SACS: variants seen among roughly 807,000 people sequenced by gnomAD.
SACS encodes sacsin molecular chaperone.
A neutral mutation model predicts 348.0 loss-of-function variants in SACS; 197 were observed. That is an observed-to-expected ratio of 0.57 (90% CI 0.50 to 0.64). The LOEUF (loss-of-function observed/expected upper bound fraction) is 0.64. Ranked by LOEUF, SACS falls within the 30% of genes least tolerant of loss-of-function variation. SACS has a pLI of 0.00. For synonymous variants in SACS, 1,985 were observed against 1,910.6 expected, an observed-to-expected ratio of 1.04 and a Z score of -1.02; for missense variants, 4,999 against 5,360.8, an observed-to-expected ratio of 0.93 and a Z score of 2.11.
At position 23,368,417 on chromosome 13, in the gene SACS, T is replaced by A. The variant is rs762050333; in HGVS notation, c.330A>T (p.Gly110=). ...TGTGCCCCACCTTAAGAATCTGTCC[T>A]CCTTCTGGATATCTTCTCAAAATGT... is the stretch of plus-strand genomic sequence containing the variant. ...LKDILRRYPE[G]GQILKELIQN... is the part of the protein sequence containing the mutation. The change falls in exon 5 of 10, where the codon GGA becomes GGT. Residue 110 remains glycine, a synonymous_variant. Transcript: ENST00000382292. 19 of 1,611,568 alleles carry A rather than the reference T, an allele frequency of 1.2e-5. No individual in the cohort carries two copies. Among genetic ancestry groups the A allele is most frequent in the Admixed American group, 8.4e-5 (5 of 59,832 alleles).
intron 2 of SACS, among the ~76,000 whole-genome samples, chr13:23,391,842 A>C (rs1196594915): frequency 7.0e-6 from 1 of 143,334 alleles, no homozygotes; most frequent in African/African-American, 2.5e-5. Flanking sequence ...TTGGCAGGAA[A>C]GTACTGCAAA....
At chr13:23,380,122 C>CGTGTGT (rs34243922) in intron 2 of SACS, among the ~76,000 whole-genome samples, 7,405 of 116,238 alleles carry the variant, frequency 0.064, 230 homozygotes, top group East Asian at 0.19. Context: ...GGGATTCCCT[C>CGTGTGT]GTGTGTGTGT....
At chr13:23,419,854 AAT>A (rs1446535287) in intron 1 of SACS, among the ~76,000 whole-genome samples, 4 of 152,194 alleles carry the variant, frequency 2.6e-5, no homozygotes, top group Non-Finnish European at 4.4e-5. Context: ...TTGGCCAGAG[AAT>A]ATGTGACCAT....
In SACS at chr13:23,330,379, A is replaced by G. The variant is rs892367410; in HGVS notation, c.13497T>C (p.Asp4499=). 6.2e-7 allele frequency: 1 copy of G among 1,614,192 alleles called. No individual in the cohort carries two copies. The highest frequency in any genetic ancestry group is 1.3e-5 in the African/African-American group (1 of 75,050). Residue 4499 remains aspartate, a synonymous_variant, in exon 10 of 10, where the codon GAT becomes GAC. Coordinates refer to ENST00000382292, the MANE Select transcript of SACS (RefSeq NM_014363.6). ...DYAVRGKSDK[D]VKPTALAQKI... ...TCTGAGCAAGTGCAGTTGGTTTTAC[A>G]TCTTTATCAGACTTTCCCCTCACAG...
At chr13:23,409,624 C>G (rs1183859940) in intron 2 of SACS, among the ~76,000 whole-genome samples, 1 of 152,004 alleles carries the variant, frequency 6.6e-6, no homozygotes, top group Non-Finnish European at 1.5e-5. Context: ...GCCACCGCAC[C>G]TGGCTGGTTT....
intron 2 of SACS, among the ~76,000 whole-genome samples, chr13:23,406,545 A>G (rs980925969): frequency 1.3e-5 from 2 of 152,182 alleles, no homozygotes; most frequent in Non-Finnish European, 2.9e-5. Context: ...AAGTTCTAAT[A>G]TTAAGTATTA....
At chr13:23,420,519 T>A (rs1873889617) in intron 1 of SACS, among the ~76,000 whole-genome samples, 1 of 152,132 alleles carries the variant, frequency 6.6e-6, no homozygotes, top group Non-Finnish European at 1.5e-5. Context: ...ATCCAGTGTG[T>A]ACCTTGGGCC....
chr13:23,389,293 A>C (rs554313629), intron 2 of SACS, among the ~76,000 whole-genome samples: 2 of 152,322 alleles, frequency 1.3e-5, no homozygotes, highest in South Asian at 4.1e-4. Context: ...GAAAGGTTAC[A>C]GCTTTATTAA....
At chr13:23,422,410 CACA>C (rs1873989789) in intron 1 of SACS, among the ~76,000 whole-genome samples, 2 of 151,842 alleles carry the variant, frequency 1.3e-5, no homozygotes, top group African/African-American at 4.8e-5. Context: ...CTGTTAGGCC[CACA>C]TGTGAATATA....
chr13:23,338,526 C>T lies in SACS; in HGVS notation c.5350G>A (p.Gly1784Ser). The stretch of plus-strand genomic sequence containing the variant: ...AGAGCAGCTGGGTCATCATCTGGAC[C>T]TCTAAAAAGTGGCGACTGTAAATCA... The part of the protein sequence containing the change: ...IADLQSPLFR[G>S]PDDDPAALFE... Residue 1784 changes from glycine to serine, a missense_variant, in exon 10 of 10, where the codon GGT becomes AGT. Coordinates refer to ENST00000382292, the MANE Select transcript of SACS (RefSeq NM_014363.6). The T allele has an allele frequency of 1.2e-6, 2 of 1,614,148 alleles. No individual in the cohort carries two copies. The highest frequency in any genetic ancestry group is 8.5e-7 in the Non-Finnish European group (1 of 1,180,006).
chr13:23,338,473 T>C lies in SACS; in HGVS notation c.5403A>G (p.Ser1801=). The C allele has an allele frequency of 6.2e-7, 1 of 1,614,206 alleles. No individual in the cohort carries two copies. Among genetic ancestry groups the C allele is most frequent in the South Asian group, 1.1e-5 (1 of 91,090 alleles). Residue 1801 remains serine, a synonymous_variant, in exon 10 of 10, where the codon TCA becomes TCG. Coordinates refer to ENST00000382292, the MANE Select transcript of SACS (RefSeq NM_014363.6). The part of the protein sequence containing the change: ...ALFEMAKSGQ[S]KKPSDELSQK... ...GTGACAACTCATCTGATGGCTTTTT[T>C]GATTGGCCAGACTTAGCCATTTCAA...
intron 2 of SACS, among the ~76,000 whole-genome samples, chr13:23,410,118 A>T (rs1188852446): frequency 6.6e-6 from 1 of 152,208 alleles, no homozygotes; most frequent in Non-Finnish European, 1.5e-5. Context: ...AGAAGGTTTA[A>T]AAAAATGTAC....
chr13:23,426,682 A>AG (rs1189367046), intron 1 of SACS, among the ~76,000 whole-genome samples: 1 of 150,902 alleles, frequency 6.6e-6, no homozygotes, highest in Non-Finnish European at 1.5e-5. Flanking sequence ...TGGTCTGGAA[A>AG]GGGGGGACAA....
rs1241848468 is a variant in SACS at position 23,415,594 on chromosome 13, C to T, written c.-501-3854G>A. ...TCAAAATACAGCCCTTGATGAATCA[C>T]TCTCATAATTTGTTTTTCATTTTTG... is the stretch of plus-strand genomic sequence containing the variant. On this transcript the variant is annotated intron_variant, in intron 1 of 9. Coordinates refer to ENST00000382292, the MANE Select transcript of SACS (RefSeq NM_014363.6). 3.3e-5 allele frequency among the ~76,000 whole-genome samples: 5 copies of T among 152,298 alleles called. No homozygotes were observed. In the East Asian group the frequency reaches 9.6e-4, roughly 29 times the overall value.
chr13:23,337,719 C>A lies in SACS; in HGVS notation c.6157G>T (p.Glu2053Ter). The part of the protein sequence containing the change: ...KQILLENTFS[E>*]KQFFSEVFFP... The stretch of plus-strand genomic sequence containing the variant: ...AACACTTCAGAAAAAAACTGTTTCT[C>A]TGAAAATGTGTTTTCAAGTAGTATC... The change falls in exon 10 of 10, where the codon GAG becomes TAG. Residue 2053 changes from glutamate to a stop codon, truncating the protein, a stop_gained. Transcript: ENST00000382292. LOFTEE classifies it high-confidence loss of function. 1 of 1,613,198 alleles carries A rather than the reference C, an allele frequency of 6.2e-7. No individual in the cohort carries two copies.
Position 23,332,126 on chromosome 13 carries a change from A to G in SACS, c.11750T>C (p.Val3917Ala). Residue 3917 changes from valine to alanine, a missense_variant, in exon 10 of 10, where the codon GTA becomes GCA. Around this residue, in one of 6 missense-constraint regions of SACS, gnomAD observed 831 missense variants for 941.8 expected, o/e 0.88. Transcript: ENST00000382292. ...GTCAAACACTAAGATGCTTGACTTT[A>G]CCAATCTACCATCCTGGCTTGGGAG... ...LYLPSQDGRLVKSSILVFDDA... is the reference protein window; with the variant it reads ...LYLPSQDGRLAKSSILVFDDA... 6.2e-7 allele frequency: 1 copy of G among 1,614,026 alleles called. No homozygotes were observed. The highest frequency in any genetic ancestry group is 8.5e-7 in the Non-Finnish European group (1 of 1,179,952).
chr13:23,339,913 A>G lies in SACS; in HGVS notation c.3963T>C (p.Cys1321=). ...CTGATGTCAACTCCTCTATTGAACC[A>G]CAGACCTTAAATAGTTGGTGGAATT... ...MAKFHQLFKV[C]GSIEELTSDH... The change falls in exon 10 of 10, where the codon TGT becomes TGC. Residue 1321 remains cysteine, a synonymous_variant. Transcript: ENST00000382292. 6.2e-7 allele frequency: 1 copy of G among 1,614,104 alleles called. No individual in the cohort carries two copies. The highest frequency in any genetic ancestry group is 8.5e-7 in the Non-Finnish European group (1 of 1,179,984).
intron 9 of SACS, among the ~76,000 whole-genome samples, chr13:23,343,559 C>T (rs1475472619): frequency 6.6e-6 from 1 of 152,152 alleles, no homozygotes; most frequent in Non-Finnish European, 1.5e-5. Flanking sequence ...GTGGCAGGCA[C>T]CTGTAGTCCC....
At chr13:23,407,434 C>T (rs1304829191) in intron 2 of SACS, among the ~76,000 whole-genome samples, 2 of 152,142 alleles carry the variant, frequency 1.3e-5, no homozygotes, top group African/African-American at 2.4e-5. Flanking sequence ...CTCCTGACCT[C>T]GTGATCTGCC....
Sources: allele counts gnomAD v4.1 joint callset (sites outside exome capture counted in the v4.1 genomes callset), GRCh38; gene constraint gnomAD v4.1.1; regional missense constraint gnomAD v4.1.1; transcripts MANE v1.5; gene names NCBI Gene and HGNC (gene_info 2026-07-23, HGNC 2026-07-21).